NELL1: variants seen among roughly 807,000 people sequenced by gnomAD.
NELL1 encodes the protein protein kinase C-binding protein NELL1.
NELL1 carries 76 observed loss-of-function variants against 107.4 expected under a neutral mutation model. The observed-to-expected ratio is 0.71, with a 90% CI of 0.59 to 0.86. NELL1 has a LOEUF of 0.86. NELL1 is among the 40% of genes least tolerant of loss of function. The pLI is 0.00. For synonymous variants in NELL1, 353 were observed against 341.2 expected (o/e 1.03, Z -0.38); for missense variants, 1,024 against 1,005.5 (o/e 1.02, Z -0.25).
At chr11:21,141,737 TTTTATTTATTTATTTATTTA>T (rs201651937) in intron 13 of NELL1, among the ~76,000 whole-genome samples, 2 of 147,550 alleles carry the variant, frequency 1.4e-5, no homozygotes, top group African/African-American at 2.5e-5. Flanking sequence ...CCTCTATCCT[TTTTATTTATTTATTTATTTA>T]TTTATTTATT....
chr11:20,931,230 C>A (rs1850611231), intron 9 of NELL1, among the ~76,000 whole-genome samples: 1 of 151,726 alleles, frequency 6.6e-6, no homozygotes, highest in South Asian at 2.1e-4. Context: ...GGGGAGAATA[C>A]CGGGGGAAGG....
intron 15 of NELL1, among the ~76,000 whole-genome samples, chr11:21,401,941 A>T (rs1852106611): frequency 6.6e-6 from 1 of 151,784 alleles, no homozygotes; most frequent in African/African-American, 2.4e-5. Flanking sequence ...GCTTGAACAG[A>T]GAATATTTTT....
chr11:20,689,708 C>T (rs1289062696), intron 2 of NELL1, among the ~76,000 whole-genome samples: 1 of 149,850 alleles, frequency 6.7e-6, no homozygotes, highest in African/African-American at 2.5e-5. Context: ...GGGTTGGTTC[C>T]AAGTCTTTGC....
intron 13 of NELL1, among the ~76,000 whole-genome samples, chr11:21,171,023 T>C (rs1856596290): frequency 6.6e-6 from 1 of 151,834 alleles, no homozygotes; most frequent in Admixed American, 6.6e-5. Flanking sequence ...AGGTACAGCC[T>C]ATTAATGAAG....
intron 15 of NELL1, among the ~76,000 whole-genome samples, chr11:21,533,906 A>C (rs1246303604): frequency 1.3e-5 from 2 of 152,214 alleles, no homozygotes; most frequent in Non-Finnish European, 2.9e-5. Context: ...TATAATTATG[A>C]CAAGTCTCTG....
At chr11:21,562,599 A>G (rs1856876068) in intron 17 of NELL1, among the ~76,000 whole-genome samples, 1 of 151,992 alleles carries the variant, frequency 6.6e-6, no homozygotes, top group Non-Finnish European at 1.5e-5. Context: ...TTGAAGTTGA[A>G]AATGCTCTGT....
intron 15 of NELL1, among the ~76,000 whole-genome samples, chr11:21,474,918 A>T (rs1296476782): frequency 6.6e-6 from 1 of 152,052 alleles, no homozygotes; most frequent in African/African-American, 2.4e-5. Flanking sequence ...CTTCCTAGTT[A>T]TTTGACCAAG....
At chr11:21,553,799 A>G (rs573214278) in intron 16 of NELL1, among the ~76,000 whole-genome samples, 46 of 152,028 alleles carry the variant, frequency 3.0e-4, no homozygotes, top group Middle Eastern at 3.4e-3. Context: ...TAGAATGCTT[A>G]CAGCTAAGCA....
rs1357344854 is a variant in NELL1 at position 21,170,721 on chromosome 11, CT to C, written c.1426+57008del. ...TATACTGTATTATATATATATATAT[CT>C]GTCACTCTATATAAAGTATATGTAC... On this transcript the variant is annotated intron_variant, in intron 13 of 19. Coordinates refer to ENST00000357134, the MANE Select transcript of NELL1 (RefSeq NM_006157.5). Among the ~76,000 whole-genome samples, 3 of 126,746 alleles carry C rather than the reference CT, an allele frequency of 2.4e-5. No homozygotes were observed. In the South Asian group the frequency reaches 7.6e-4, roughly 32 times the overall value. The allele number at this position is 126,746 out of a possible 152,430, so 83.2% of individuals were successfully genotyped here. A position where few individuals can be genotyped will look rare whatever the true frequency, so the allele number is the denominator to read the frequency against.
At chr11:21,313,641 C>T (rs1395782471) in intron 14 of NELL1, among the ~76,000 whole-genome samples, 2 of 152,166 alleles carry the variant, frequency 1.3e-5, no homozygotes, top group African/African-American at 2.4e-5. Context: ...GGTCAAAGGG[C>T]TGCATCTGGT....
chr11:21,411,100 G>A (rs1285618931), intron 15 of NELL1, among the ~76,000 whole-genome samples: 1 of 151,974 alleles, frequency 6.6e-6, no homozygotes, highest in Non-Finnish European at 1.5e-5. Context: ...GGGAGATATA[G>A]CACTTTTGAC....
Position 20,910,210 on chromosome 11 carries a change from G to A in NELL1, c.604-7972G>A, listed in dbSNP as rs191362007. ...AACAGGCCAGCCTGGGCTTGTTCCC[G>A]TGGTGCTCGGCAATGTTTCAAGGTA... On this transcript the variant is annotated intron_variant, in intron 5 of 19. Transcript: ENST00000357134. Among the ~76,000 whole-genome samples, 29 of 152,250 alleles carry A rather than the reference G, an allele frequency of 1.9e-4. No individual in the cohort carries two copies. The East Asian group carries it at 3.7e-3, about 19-fold the overall frequency.
intron 13 of NELL1, among the ~76,000 whole-genome samples, chr11:21,150,331 G>A (rs747241361): frequency 6.6e-6 from 1 of 152,178 alleles, no homozygotes; most frequent in Non-Finnish European, 1.5e-5. Context: ...TCACAGACTG[G>A]CAGGGGGGCA....
chr11:20,773,182 A>G (rs913320667), intron 2 of NELL1, among the ~76,000 whole-genome samples: 2 of 152,142 alleles, frequency 1.3e-5, no homozygotes, highest in African/African-American at 4.8e-5. Flanking sequence ...CATCAGTGTG[A>G]CCTTTACTTC....
chr11:21,563,737 C>T (rs184462766), intron 17 of NELL1, among the ~76,000 whole-genome samples: 3 of 151,962 alleles, frequency 2.0e-5, no homozygotes, highest in Admixed American at 2.0e-4. Context: ...GGTCCTTGAA[C>T]CAATCCCCCA....
chr11:21,143,609 C>G (rs914672710), intron 13 of NELL1, among the ~76,000 whole-genome samples: 1 of 152,148 alleles, frequency 6.6e-6, no homozygotes. Flanking sequence ...CTTCATTAAA[C>G]AGTAGAACTA....
At chr11:21,088,491 C>A (rs1197326262) in intron 12 of NELL1, among the ~76,000 whole-genome samples, 3 of 152,160 alleles carry the variant, frequency 2.0e-5, no homozygotes, top group Admixed American at 2.0e-4. Context: ...TCCTTTCTAT[C>A]ACCACATTTG....
intron 4 of NELL1, among the ~76,000 whole-genome samples, chr11:20,852,007 C>G (rs901014215): frequency 2.0e-5 from 3 of 152,222 alleles, no homozygotes; most frequent in African/African-American, 7.2e-5. Context: ...AGCTCCTCAG[C>G]AGCTAAGAGA....
intron 14 of NELL1, among the ~76,000 whole-genome samples, chr11:21,351,816 TAGTC>T (rs1850823522): frequency 6.6e-6 from 1 of 152,180 alleles, no homozygotes; most frequent in African/African-American, 2.4e-5. Flanking sequence ...CTTAACACGT[TAGTC>T]AGAGAGAGCG....
Sources: gnomAD v4.1 joint callset for allele counts (sites outside exome capture counted in the v4.1 genomes callset) on GRCh38, gnomAD v4.1.1 for gene constraint, MANE v1.5 for transcripts, NCBI Gene and HGNC (gene_info 2026-07-23, HGNC 2026-07-21) for gene names.